The following MYO3B variants were observed in gnomAD, a reference collection of about 807,000 sequenced individuals.
MYO3B encodes the protein myosin-IIIb.
Under a neutral mutation model 174.6 loss-of-function variants are expected in MYO3B, and 156 were observed. That is an observed-to-expected ratio of 0.89 (90% CI 0.78 to 1.02). The LOEUF (loss-of-function observed/expected upper bound fraction) is 1.02. MYO3B is among the 50% of genes least tolerant of loss of function. The pLI is 0.00. For synonymous variants in MYO3B, 563 were observed against 569.1 expected (o/e 0.99, Z 0.15); for missense variants, 1,632 against 1,639.4 (o/e 1.00, Z 0.08).
intron 25 of MYO3B, among the ~76,000 whole-genome samples, chr2:170,474,111 G>A (rs1211135063): frequency 6.6e-6 from 1 of 152,096 alleles, no homozygotes; most frequent in African/African-American, 2.4e-5. Context: ...CTTTTTCCTT[G>A]TATCAGGTTT....
chr2:170,584,127 T>G (rs1221379466), intron 32 of MYO3B, among the ~76,000 whole-genome samples: 1 of 152,228 alleles, frequency 6.6e-6, no homozygotes, highest in Non-Finnish European at 1.5e-5. Flanking sequence ...ACCAGGCTTT[T>G]GGCCAATTAA....
At chr2:170,333,266 G>A (rs377341801) in intron 7 of MYO3B, among the ~76,000 whole-genome samples, 2 of 152,274 alleles carry the variant, frequency 1.3e-5, no homozygotes, top group East Asian at 3.9e-4. Context: ...CAGGCAGTAA[G>A]AACTGCTCAG....
In MYO3B at chr2:170,327,118, G is replaced by A. The variant is rs142692366; in HGVS notation, c.750-8267G>A. ...AAGAATCAACAAGGCTGGGTGTGGT[G>A]GCTCACGCCTGTAATCCCAGCACTT... On this transcript the variant is annotated intron_variant, in intron 7 of 34. Coordinates refer to ENST00000408978, the MANE Select transcript of MYO3B (RefSeq NM_138995.5). 2.2e-3 allele frequency among the ~76,000 whole-genome samples: 332 copies of A among 152,358 alleles called. 1 individual carries two copies. Among genetic ancestry groups the A allele is most frequent in the Admixed American group, 3.8e-3 (58 of 15,306 alleles).
chr2:170,648,631 T>C (rs1297306782), intron 32 of MYO3B, among the ~76,000 whole-genome samples: 2 of 47,518 alleles, frequency 4.2e-5, no homozygotes, highest in African/African-American at 1.0e-4. Flanking sequence ...TCAAAAAATA[T>C]GTATATATAT....
intron 7 of MYO3B, among the ~76,000 whole-genome samples, chr2:170,296,198 G>A (rs1004167586): frequency 6.6e-6 from 1 of 152,196 alleles, no homozygotes; most frequent in African/African-American, 2.4e-5. Flanking sequence ...CCACCCTGAT[G>A]AGCAGAGTGA....
At chr2:170,462,813 T>C (rs1238063486) in intron 23 of MYO3B, among the ~76,000 whole-genome samples, 2 of 152,244 alleles carry the variant, frequency 1.3e-5, no homozygotes, top group East Asian at 1.9e-4. Flanking sequence ...GGGATAGATA[T>C]TGAGAACAGG....
chr2:170,245,535 G>A (rs1430510139), intron 7 of MYO3B, among the ~76,000 whole-genome samples: 2 of 152,190 alleles, frequency 1.3e-5, no homozygotes, highest in Admixed American at 6.5e-5. Context: ...ACCTGAAGCT[G>A]ACATTTCAAA....
intron 7 of MYO3B, among the ~76,000 whole-genome samples, chr2:170,241,601 C>T (rs1050802200): frequency 2.6e-5 from 4 of 152,108 alleles, no homozygotes; most frequent in African/African-American, 4.8e-5. Context: ...AAAGGTGAAA[C>T]GGAGAGAGTT....
intron 6 of MYO3B, among the ~76,000 whole-genome samples, chr2:170,230,979 G>A (rs1199874591): frequency 6.6e-6 from 1 of 152,182 alleles, no homozygotes; most frequent in African/African-American, 2.4e-5. Flanking sequence ...ATTAGTCAGA[G>A]GTGAAAGTCT....
chr2:170,329,224 A>C (rs1436010753), intron 7 of MYO3B, among the ~76,000 whole-genome samples: 3 of 130,018 alleles, frequency 2.3e-5, no homozygotes, highest in Non-Finnish European at 5.0e-5. Flanking sequence ...TACAACACAG[A>C]AAAACAGTGT....
chr2:170,236,267 G>T, intron 7 of MYO3B, 131 bp downstream of exon 7: 61 of 926,074 alleles, frequency 6.6e-5, no homozygotes, highest in Middle Eastern at 2.5e-4. Flanking sequence ...TATTTTCTTT[G>T]AAAAAGCAAG....
chr2:170,272,601 C>T (rs921340738), intron 7 of MYO3B, among the ~76,000 whole-genome samples: 58 of 152,232 alleles, frequency 3.8e-4, no homozygotes, highest in Non-Finnish European at 1.6e-4. Context: ...TGGTAACTAC[C>T]ATGGTTTGAG....
chr2:170,296,590 C>G (rs3856429), intron 7 of MYO3B, among the ~76,000 whole-genome samples: 73,022 of 151,778 alleles, frequency 0.48, 18,680 homozygotes, highest in East Asian at 0.68. Context: ...GTATGGGGGT[C>G]TTCATGGGTC....
chr2:170,548,728 A>G (rs1343788644), intron 32 of MYO3B, among the ~76,000 whole-genome samples: 4 of 152,210 alleles, frequency 2.6e-5, no homozygotes, highest in Admixed American at 2.0e-4. Context: ...ATCTAGGGGC[A>G]TGATTATTAA....
intron 8 of MYO3B, among the ~76,000 whole-genome samples, chr2:170,366,382 T>C (rs1438371407): frequency 6.6e-6 from 1 of 152,026 alleles, no homozygotes; most frequent in African/African-American, 2.4e-5. Context: ...CTCACTGCAA[T>C]CTCAAACTCC....
At chr2:170,450,146 A>C (rs895624263) in intron 23 of MYO3B, among the ~76,000 whole-genome samples, 5 of 152,374 alleles carry the variant, frequency 3.3e-5, no homozygotes, top group Non-Finnish European at 7.3e-5. Flanking sequence ...GAATTATAGA[A>C]GCTTCCTATA....
intron 30 of MYO3B, among the ~76,000 whole-genome samples, chr2:170,538,260 C>CCAA (rs1689856857): frequency 6.6e-6 from 1 of 152,192 alleles, no homozygotes; most frequent in South Asian, 2.1e-4. Flanking sequence ...AGTGTATCAA[C>CCAA]CAACTAGAGA....
At chr2:170,451,352 G>A (rs1050207114) in intron 23 of MYO3B, among the ~76,000 whole-genome samples, 4 of 152,328 alleles carry the variant, frequency 2.6e-5, no homozygotes, top group Admixed American at 1.3e-4. Context: ...CATGGCTTAC[G>A]CCACATGTCC....
chr2:170,629,510 C>G (rs1696759789), intron 32 of MYO3B, among the ~76,000 whole-genome samples: 1 of 152,132 alleles, frequency 6.6e-6, no homozygotes, highest in Admixed American at 6.6e-5. Context: ...TCTTGTAATA[C>G]CTTTTTTATA....
Sources: allele counts gnomAD v4.1 joint callset (sites outside exome capture counted in the v4.1 genomes callset), GRCh38; gene constraint gnomAD v4.1.1; transcripts MANE v1.5; gene names NCBI Gene and HGNC (gene_info 2026-07-23, HGNC 2026-07-21).